The following WDR88 variants were observed in gnomAD, a reference collection of about 807,000 sequenced individuals.
The protein encoded by WDR88 is WD repeat-containing protein 88.
In WDR88, 40 loss-of-function variants were observed where a neutral mutation model predicts 46.8. That is an observed-to-expected ratio of 0.86 (90% confidence interval 0.66 to 1.11). The LOEUF (loss-of-function observed/expected upper bound fraction) is 1.11, where lower values mean the gene tolerates loss of function less well. WDR88 is among the 50% of genes most tolerant of loss of function. The pLI is 0.00. For missense variants in WDR88, 562 were observed against 602.4 expected (o/e 0.93, Z 0.70); for synonymous variants, 235 against 240.7 (o/e 0.98, Z 0.22).
Position 33,132,262 on chromosome 19 carries a change from C to T in WDR88, c.93C>T (p.Gly31=). ...CCCCCGCCAGCGAGTATTGTCCCGG[C>T]AAGCTGTCCTGGGGGACCATGGCGA... The part of the protein sequence containing the change: ...PSAPASEYCP[G]KLSWGTMARA... The change falls in exon 1 of 11, where the codon GGC becomes GGT. Residue 31 remains glycine, a synonymous_variant. Transcript: ENST00000355868. 6.2e-7 allele frequency: 1 copy of T among 1,613,202 alleles called. No individual in the cohort carries two copies. Among genetic ancestry groups the T allele is most frequent in the Non-Finnish European group, 8.5e-7 (1 of 1,179,974 alleles).
chr19:33,157,900 A>G (rs953347250), intron 7 of WDR88, among the ~76,000 whole-genome samples: 79 of 151,292 alleles, frequency 5.2e-4, no homozygotes, highest in African/African-American at 1.6e-3. Context: ...TTAATGAATC[A>G]CTTAGGGGGC....
In WDR88 at chr19:33,156,509, G is replaced by T; in HGVS notation, c.964G>T (p.Gly322Cys). The change falls in exon 7 of 11, where the codon GGT becomes TGT. Residue 322 changes from glycine (G) to cysteine (C), a missense_variant. Transcript: ENST00000355868. ...ACVTLMQGHE[G>C]SVSSCHFARD... ...TGTGACTCTGATGCAGGGCCATGAAGGTTCTGTCAGTTCCTGTCACTTTGC... is the reference window on the plus strand; with the variant it reads ...TGTGACTCTGATGCAGGGCCATGAATGTTCTGTCAGTTCCTGTCACTTTGC... 2 of 1,613,962 alleles carry T rather than the reference G, an allele frequency of 1.2e-6. No individual in the cohort carries two copies. Among genetic ancestry groups the T allele is most frequent in the Non-Finnish European group, 1.7e-6 (2 of 1,179,956 alleles).
intron 7 of WDR88, among the ~76,000 whole-genome samples, chr19:33,159,830 T>C (rs1403909258): frequency 1.3e-5 from 2 of 152,052 alleles, no homozygotes; most frequent in Non-Finnish European, 2.9e-5. Context: ...TATTATTACA[T>C]TGTAATATAT....
intron 9 of WDR88, among the ~76,000 whole-genome samples, chr19:33,167,694 T>G (rs1054246779): frequency 1.3e-5 from 2 of 151,474 alleles, no homozygotes; most frequent in Non-Finnish European, 2.9e-5. Flanking sequence ...CCTTCTGTCC[T>G]TTCTTTCTTC....
chr19:33,168,725 T>C (rs1348900833), intron 9 of WDR88, among the ~76,000 whole-genome samples: 2 of 151,948 alleles, frequency 1.3e-5, no homozygotes, highest in African/African-American at 4.8e-5. Context: ...TTATCAAAAT[T>C]CCAACAGCAT....
chr19:33,135,828 A>G (rs1973253372), intron 1 of WDR88, among the ~76,000 whole-genome samples: 1 of 152,200 alleles, frequency 6.6e-6, no homozygotes, highest in Non-Finnish European at 1.5e-5. Context: ...CTTTGATGAT[A>G]GCCATCCTAA....
intron 1 of WDR88, among the ~76,000 whole-genome samples, chr19:33,135,554 C>T (rs1973246732): frequency 6.6e-6 from 1 of 151,728 alleles, no homozygotes; most frequent in South Asian, 2.1e-4. Flanking sequence ...AGTAGCTGGG[C>T]TTACAGGCAT....
At chr19:33,158,920 G>A (rs1388566745) in intron 7 of WDR88, among the ~76,000 whole-genome samples, 1 of 152,116 alleles carries the variant, frequency 6.6e-6, no homozygotes, top group Non-Finnish European at 1.5e-5. Flanking sequence ...GGCTGGTCTT[G>A]AACTCCTGTC....
chr19:33,160,478 C>T lies in WDR88; in HGVS notation c.1062C>T (p.Tyr354=). The T allele has an allele frequency of 6.2e-7, 1 of 1,614,184 alleles. No homozygotes were observed. Among genetic ancestry groups the T allele is most frequent in the Non-Finnish European group, 8.5e-7 (1 of 1,180,044 alleles). ...CTATTTGGGATGTAGCAGAAGGCTA[C>T]CGGAAGCTCTCTTTGAAGGTACATG... The part of the protein sequence containing the change: ...TVAIWDVAEG[Y]RKLSLKGHND... The change falls in exon 8 of 11, where the codon TAC becomes TAT. Residue 354 remains tyrosine (Y), a synonymous_variant. Coordinates refer to ENST00000355868, the MANE Select transcript of WDR88 (RefSeq NM_173479.4).
chr19:33,141,227 G>T (rs937042660), intron 2 of WDR88, among the ~76,000 whole-genome samples: 26 of 113,390 alleles, frequency 2.3e-4, no homozygotes, highest in African/African-American at 6.1e-4. Flanking sequence ...GTGGGAGCAT[G>T]TTTTTTTTTT....
intron 1 of WDR88, among the ~76,000 whole-genome samples, chr19:33,132,966 C>A (rs1973161583): frequency 6.6e-6 from 1 of 151,996 alleles, no homozygotes; most frequent in Non-Finnish European, 1.5e-5. Context: ...TTGAGACCAG[C>A]CTGGGCAACA....
Position 33,132,254 on chromosome 19 carries a change from T to C in WDR88, c.85T>C (p.Cys29Arg). The change falls in exon 1 of 11, where the codon TGT becomes CGT. Residue 29 changes from cysteine (C) to arginine (R), a missense_variant. Cys to Arg is a radical substitution (Grantham distance 180). Coordinates refer to ENST00000355868, the MANE Select transcript of WDR88 (RefSeq NM_173479.4). Reference protein sequence around the residue: ...PPPSAPASEYCPGKLSWGTMA... With the variant: ...PPPSAPASEYRPGKLSWGTMA... ...ACCCTCCGCCCCCGCCAGCGAGTATTGTCCCGGCAAGCTGTCCTGGGGGAC... is the reference window on the plus strand; with the variant it reads ...ACCCTCCGCCCCCGCCAGCGAGTATCGTCCCGGCAAGCTGTCCTGGGGGAC... The C allele has an allele frequency of 6.2e-7, 1 of 1,612,920 alleles. No individual in the cohort carries two copies. The highest frequency in any genetic ancestry group is 8.5e-7 in the Non-Finnish European group (1 of 1,179,936).
intron 1 of WDR88, among the ~76,000 whole-genome samples, chr19:33,133,418 C>T (rs1173292091): frequency 3.3e-5 from 5 of 151,900 alleles, no homozygotes; most frequent in Admixed American, 1.3e-4. Flanking sequence ...CATGGTGGTG[C>T]GTGCCTGTAA....
At position 33,175,618 on chromosome 19, in the gene WDR88, T is replaced by C. The variant is rs745670286; in HGVS notation, c.*46T>C. 5 of 1,609,224 alleles carry C rather than the reference T, an allele frequency of 3.1e-6. No homozygotes were observed. Among genetic ancestry groups the C allele is most frequent in the Non-Finnish European group, 2.5e-6 (3 of 1,177,494 alleles). ...TGACTCCAGCACAGGCTACCTAGCA[T>C]GTAGGTTTCGGGGCTTTGCAGGGGC... is the stretch of plus-strand genomic sequence containing the variant. On this transcript the variant is annotated 3_prime_UTR_variant, in exon 11 of 11. Transcript: ENST00000355868.
intron 9 of WDR88, among the ~76,000 whole-genome samples, chr19:33,171,962 G>A (rs748790979): frequency 1.3e-5 from 2 of 151,928 alleles, no homozygotes; most frequent in Admixed American, 1.3e-4. Context: ...TAGTAGAGAC[G>A]GGGTTTCACC....
intron 7 of WDR88, among the ~76,000 whole-genome samples, chr19:33,159,335 AAAAT>A (rs71176202): frequency 0.17 from 24,399 of 142,578 alleles, 2,252 homozygotes; most frequent in Middle Eastern, 0.25. Flanking sequence ...CTTATCTCTA[AAAAT>A]AAATAAATAA....
chr19:33,141,458 G>A (rs965617867), intron 2 of WDR88, among the ~76,000 whole-genome samples: 1 of 152,122 alleles, frequency 6.6e-6, no homozygotes, highest in African/African-American at 2.4e-5. Flanking sequence ...TTGAGCTCCT[G>A]GCCTCAAGCC....
chr19:33,167,897 C>T (rs1011052562), intron 9 of WDR88, among the ~76,000 whole-genome samples: 18 of 146,828 alleles, frequency 1.2e-4, no homozygotes, highest in East Asian at 4.1e-4. Flanking sequence ...GCAATTCTCC[C>T]GGTAGAAACG....
intron 1 of WDR88, among the ~76,000 whole-genome samples, chr19:33,136,889 CTT>C (rs1367812848): frequency 6.6e-6 from 1 of 151,628 alleles, no homozygotes; most frequent in Non-Finnish European, 1.5e-5. Context: ...TGCATATCTT[CTT>C]TGGAGATATA....
Sources: allele counts gnomAD v4.1 joint callset (sites outside exome capture counted in the v4.1 genomes callset), GRCh38; gene constraint gnomAD v4.1.1; transcripts MANE v1.5; gene names NCBI Gene and HGNC (gene_info 2026-07-23, HGNC 2026-07-21).